The following PYGM variants were observed in gnomAD, a reference collection of about 807,000 sequenced individuals.
The protein encoded by PYGM is glycogen phosphorylase, muscle associated.
PYGM carries 81 observed loss-of-function variants against 99.3 expected under a neutral mutation model. The ratio of observed to expected loss-of-function variants is 0.82; its 90% confidence interval spans 0.68 to 0.98. The LOEUF (loss-of-function observed/expected upper bound fraction) is 0.98, where lower values mean the gene tolerates loss of function less well. PYGM is among the 50% of genes least tolerant of loss of function. PYGM has a pLI of 0.00. For missense variants in PYGM, 1,030 were observed against 1,158.1 expected (o/e 0.89, Z 1.61); for synonymous variants, 436 against 451.5 (o/e 0.97, Z 0.44).
intron 18 of PYGM, 50 bp from the exon 19 acceptor site, chr11:64,747,037 A>G (rs777075434): frequency 6.2e-7 from 1 of 1,602,218 alleles, no homozygotes; most frequent in South Asian, 1.1e-5. Context: ...GGCTAGGATA[A>G]GTTCTATGAG....
At position 64,758,566 on chromosome 11, in the gene PYGM, C is replaced by A. The variant is rs114586736; in HGVS notation, c.345+37G>T. ...CAGGGTCAAGTGTCAGCAGTGGAAT[C>A]CCCCAGTCCCCACGGCTTGCCCCAC... On this transcript the variant is annotated intron_variant, in intron 2 of 19. Transcript: ENST00000164139. 1,056 of 1,613,226 alleles carry A rather than the reference C, an allele frequency of 6.5e-4. 6 individuals are homozygous for A. In the African/African-American group the frequency reaches 0.011, roughly 17 times the overall value.
At chr11:64,752,178 G>T in intron 13 of PYGM, 107 bp from the exon 14 acceptor site, 1 of 1,499,258 alleles carries the variant, frequency 6.7e-7, no homozygotes, top group Non-Finnish European at 9.3e-7. Flanking sequence ...GAGGCTCACT[G>T]GCTACTTCTG....
upstream of PYGM, among the ~76,000 whole-genome samples, chr11:64,760,653 C>T (rs986898400): frequency 1.2e-4 from 18 of 152,244 alleles, no homozygotes; most frequent in African/African-American, 3.9e-4. Context: ...TATAGGCCCT[C>T]GGCGGTGGGA....
At position 64,758,660 on chromosome 11, in the gene PYGM, T is replaced by C. The variant is rs2135840866; in HGVS notation, c.288A>G (p.Leu96=). 6.2e-7 allele frequency: 1 copy of C among 1,613,388 alleles called. No individual in the cohort carries two copies. The part of the protein sequence containing the change: ...LSLEFYMGRT[L]QNTMVNLALE... Reference sequence around the variant, plus strand: ...AGGCCAGGTTCACCATGGTGTTCTGTAGCGTCCGTCCCATATAGAACTCTA... The same window carrying C: ...AGGCCAGGTTCACCATGGTGTTCTGCAGCGTCCGTCCCATATAGAACTCTA... The change falls in exon 2 of 20, where the codon CTA becomes CTG. Residue 96 remains leucine (L), a synonymous_variant. Coordinates refer to ENST00000164139, the MANE Select transcript of PYGM (RefSeq NM_005609.4).
In PYGM at chr11:64,755,410, C is replaced by T; in HGVS notation, c.772+37G>A. ...GCCTGCGCTGGGCGTGGCCGGCGGGCAAGCTGGGGTTGCTGGCTACCAGTG... is the reference window on the plus strand; with the variant it reads ...GCCTGCGCTGGGCGTGGCCGGCGGGTAAGCTGGGGTTGCTGGCTACCAGTG... On this transcript the variant is annotated intron_variant, in intron 6 of 19. Transcript: ENST00000164139. The surrounding 1 kb of genome is among the most constrained non-coding windows in gnomAD (Gnocchi z 4.1). The T allele has an allele frequency of 6.2e-7, 1 of 1,612,870 alleles. No individual in the cohort carries two copies. The highest frequency in any genetic ancestry group is 8.5e-7 in the Non-Finnish European group (1 of 1,178,860).
At chr11:64,760,165 G>A, upstream of PYGM, 1 of 513,908 alleles carries the variant, frequency 1.9e-6, no homozygotes, top group Non-Finnish European at 3.5e-6. Context: ...ACAGGCCTGT[G>A]CTGACCCACT....
chr11:64,758,466 A>G lies in PYGM; in HGVS notation c.395T>C (p.Leu132Pro). 2 of 1,613,938 alleles carry G rather than the reference A, an allele frequency of 1.2e-6. No homozygotes were observed. Among genetic ancestry groups the G allele is most frequent in the Non-Finnish European group, 8.5e-7 (1 of 1,179,974 alleles). ...ELEEIEEDAG[L>P]GNGGLGRLAA... ...CAGCCGGCCCAGGCCCCCGTTGCCCAGCCCCGCATCCTCCTCAATTTCCTC... is the reference window on the plus strand; with the variant it reads ...CAGCCGGCCCAGGCCCCCGTTGCCCGGCCCCGCATCCTCCTCAATTTCCTC... Residue 132 changes from leucine (L) to proline (P), a missense_variant, in exon 3 of 20, where the codon CTG (leucine) becomes CCG (proline). Transcript: ENST00000164139.
In PYGM at chr11:64,758,276, A is replaced by G; in HGVS notation, c.498T>C (p.Ile166=). The change falls in exon 4 of 20, where the codon ATT becomes ATC. Residue 166 remains isoleucine, a synonymous_variant. Coordinates refer to ENST00000164139, the MANE Select transcript of PYGM (RefSeq NM_005609.4). ...YGYGIRYEFG[I]FNQKISGGWQ... is the part of the protein sequence containing the mutation. ...AGCCCCCGGAGATCTTCTGGTTAAA[A>G]ATCCCAAACTCATAGCGAATCCCGT... is the stretch of plus-strand genomic sequence containing the variant. 6.2e-7 allele frequency: 1 copy of G among 1,614,058 alleles called. No homozygotes were observed. The highest frequency in any genetic ancestry group is 1.1e-5 in the South Asian group (1 of 91,086).
At chr11:64,752,540 A>C in intron 12 of PYGM, 36 bp from the exon 13 acceptor site, 1 of 1,575,896 alleles carries the variant, frequency 6.3e-7, no homozygotes, top group Middle Eastern at 1.7e-4. Flanking sequence ...GCCCATCCCC[A>C]TGTCCTCCCT....
chr11:64,758,059 C>T, intron 4 of PYGM, 149 bp from the exon 5 acceptor site: 2 of 1,397,198 alleles, frequency 1.4e-6, no homozygotes, highest in Non-Finnish European at 9.9e-7. Context: ...GTCTGCTGGG[C>T]TATCGAGTGG....
chr11:64,755,828 G>A lies in PYGM; in HGVS notation c.661-270C>T, dbSNP rs539535996. 6.3e-4 allele frequency among the ~76,000 whole-genome samples: 96 copies of A among 152,302 alleles called. No homozygotes were observed. Among genetic ancestry groups the A allele is most frequent in the Non-Finnish European group, 1.2e-3 (84 of 68,004 alleles). ...ATGGAAGGAGGCAGGTGATAAGCCC[G>A]GAACCCAGGAGGGGCTCTGTTGGCG... On this transcript the variant is annotated intron_variant, in intron 5 of 19. Coordinates refer to ENST00000164139, the MANE Select transcript of PYGM (RefSeq NM_005609.4). This position sits in a 1 kb window ranked among gnomAD's most constrained non-coding sequence, Gnocchi z 4.1.
Position 64,754,752 on chromosome 11 carries a change from A to T in PYGM, c.940T>A (p.Ser314Thr), listed in dbSNP as rs1446923834. 1 of 1,613,892 alleles carries T rather than the reference A, an allele frequency of 6.2e-7. No individual in the cohort carries two copies. The highest frequency in any genetic ancestry group is 1.1e-5 in the South Asian group (1 of 91,072). The change falls in exon 8 of 20, where the codon TCT (serine) becomes ACT (threonine). Residue 314 changes from serine to threonine, a missense_variant. Physicochemically the swap from Ser to Thr is moderately conservative, Grantham distance 58. Coordinates refer to ENST00000164139, the MANE Select transcript of PYGM (RefSeq NM_005609.4). This position sits in a 1 kb window ranked among gnomAD's most constrained non-coding sequence, Gnocchi z 5.5. ...GGATCACGGCAGCCGAACTTGGAAGACTTGAAGCGACGGATGATGTCCTGG... is the reference window on the plus strand; with the variant it reads ...GGATCACGGCAGCCGAACTTGGAAGTCTTGAAGCGACGGATGATGTCCTGG... ...TLQDIIRRFK[S>T]SKFGCRDPVR... is the part of the protein sequence containing the mutation.
At position 64,754,026 on chromosome 11, in the gene PYGM, C is replaced by T; in HGVS notation, c.1093-1G>A. 1 of 1,600,420 alleles carries T rather than the reference C, an allele frequency of 6.2e-7. No individual in the cohort carries two copies. The highest frequency in any genetic ancestry group is 8.5e-7 in the Non-Finnish European group (1 of 1,173,436). On this transcript the variant is annotated splice_acceptor_variant, in intron 9 of 19. Transcript: ENST00000164139. LOFTEE classifies it high-confidence loss of function. The surrounding 1 kb of genome is among the most constrained non-coding windows in gnomAD (Gnocchi z 5.5). ...AGGTCCTCACTGTCACATCCCACGC[C>T]TGGCACACGGGGTGGGCAGTCAGGA...
intron 12 of PYGM, 58 bp downstream of exon 12, chr11:64,753,015 C>T: frequency 2.1e-6 from 3 of 1,456,222 alleles, no homozygotes; most frequent in Non-Finnish European, 2.9e-6. Context: ...ACGACCATAC[C>T]CAGCTGATCC....
intron 12 of PYGM, 147 bp from the exon 13 acceptor site, chr11:64,752,651 GA>G: frequency 1.2e-6 from 1 of 815,732 alleles, no homozygotes; most frequent in Non-Finnish European, 2.0e-6. Flanking sequence ...CAGCCGCCCA[GA>G]TGGGGCACGG....
chr11:64,756,314 G>A (rs1178053216), intron 5 of PYGM, among the ~76,000 whole-genome samples: 1 of 152,236 alleles, frequency 6.6e-6, no homozygotes, highest in Non-Finnish European at 1.5e-5. Context: ...TGGACTGCCA[G>A]CAGCCCCCAC....
chr11:64,758,775 C>T (rs186692931), intron 1 of PYGM, 71 bp from the exon 2 acceptor site: 45 of 1,358,708 alleles, frequency 3.3e-5, no homozygotes, highest in African/African-American at 4.3e-5. Flanking sequence ...GGCCCAGCCA[C>T]GCCTGGACCT....
intron 4 of PYGM, 62 bp from the exon 5 acceptor site, chr11:64,757,972 C>T (rs1457165441): frequency 2.1e-5 from 34 of 1,604,552 alleles, no homozygotes; most frequent in East Asian, 4.5e-5. Flanking sequence ...TCACAGTGCA[C>T]GGTGGGGCAG....
chr11:64,747,041 C>A (rs1592405162), intron 18 of PYGM, 54 bp from the exon 19 acceptor site: 3 of 1,601,224 alleles, frequency 1.9e-6, no homozygotes, highest in South Asian at 2.2e-5. Context: ...AGGATAAGTT[C>A]TATGAGGTCA....
Sources: allele counts gnomAD v4.1 joint callset (sites outside exome capture counted in the v4.1 genomes callset), GRCh38; gene constraint gnomAD v4.1.1; non-coding constraint Gnocchi (gnomAD v3.1); transcripts MANE v1.5; gene names NCBI Gene and HGNC (gene_info 2026-07-23, HGNC 2026-07-21).